NSG2: variants seen among roughly 807,000 people sequenced by gnomAD.
NSG2 encodes neuronal vesicle trafficking associated 2.
NSG2 carries 4 observed loss-of-function variants against 16.9 expected under a neutral mutation model. The observed-to-expected ratio is 0.24, with a 90% CI of 0.12 to 0.54. The LOEUF is 0.54. Among genes scored for constraint, NSG2 ranks in the 20% least tolerant of loss-of-function variants. The pLI is 0.95. For missense variants in NSG2, 179 were observed against 221.1 expected, an observed-to-expected ratio of 0.81 and a Z score of 1.21; for synonymous variants, 98 against 88.7, an observed-to-expected ratio of 1.11 and a Z score of -0.59.
At chr5:174,059,328 A>G (rs369447160) in intron 2 of NSG2, among the ~76,000 whole-genome samples, 1 of 152,198 alleles carries the variant, frequency 6.6e-6, no homozygotes, top group Non-Finnish European at 1.5e-5. Flanking sequence ...CAATTTATCC[A>G]TTCTCCTATT....
intron 2 of NSG2, among the ~76,000 whole-genome samples, chr5:174,063,769 C>T (rs940857652): frequency 6.6e-6 from 1 of 151,964 alleles, no homozygotes; most frequent in African/African-American, 2.4e-5. Context: ...TGGAGGCAAC[C>T]TAAACGTGTA....
rs1478465882 is a variant in NSG2 at position 174,095,151 on chromosome 5, T to C, written c.214-9077T>C. On this transcript the variant is annotated intron_variant, in intron 3 of 4. Transcript: ENST00000303177. ...CAGTTCATACGGCAGTCTTCCTGAGTGGTTGGAGCTTTTGAAGTGCATGCT... is the reference window on the plus strand; with the variant it reads ...CAGTTCATACGGCAGTCTTCCTGAGCGGTTGGAGCTTTTGAAGTGCATGCT... 2.6e-5 allele frequency among the ~76,000 whole-genome samples: 4 copies of C among 151,936 alleles called. No homozygotes were observed. In the East Asian group the frequency reaches 5.8e-4, roughly 22 times the overall value.
chr5:174,107,289 C>T lies in NSG2; in HGVS notation c.325-25C>T. 1 of 1,529,726 alleles carries T rather than the reference C, an allele frequency of 6.5e-7. No individual in the cohort carries two copies. The highest frequency in any genetic ancestry group is 8.8e-7 in the Non-Finnish European group (1 of 1,133,482). 94.8% of individuals were successfully genotyped at this position (1,529,726 alleles called of 1,614,324 possible). On this transcript the variant is annotated intron_variant, in intron 4 of 4. Transcript: ENST00000303177. This position sits in a 1 kb window ranked among gnomAD's most constrained non-coding sequence, Gnocchi z 4.5. Reference sequence around the variant, plus strand: ...TTGGGAGCAGTTTGCTGAATGACCCCTGACTCTGTCTCTTTCTTCCCCAGC... The same window carrying T: ...TTGGGAGCAGTTTGCTGAATGACCCTTGACTCTGTCTCTTTCTTCCCCAGC...
intron 2 of NSG2, among the ~76,000 whole-genome samples, chr5:174,053,744 T>C (rs1759927111): frequency 6.6e-6 from 1 of 152,116 alleles, no homozygotes. Context: ...AAAAACACAA[T>C]CTTAAACAAA....
intron 3 of NSG2, among the ~76,000 whole-genome samples, chr5:174,069,524 C>G (rs961176821): frequency 6.6e-6 from 1 of 152,290 alleles, no homozygotes; most frequent in East Asian, 1.9e-4. Flanking sequence ...TGGGAAAAAT[C>G]TCTCCACTCC....
chr5:174,077,986 T>C (rs1021325855), intron 3 of NSG2, among the ~76,000 whole-genome samples: 1 of 152,220 alleles, frequency 6.6e-6, no homozygotes, highest in African/African-American at 2.4e-5. Flanking sequence ...ATATCTGTTG[T>C]CTACATCTGT....
intron 2 of NSG2, 109 bp downstream of exon 2, chr5:174,046,993 A>G: frequency 4.7e-6 from 5 of 1,062,730 alleles, no homozygotes; most frequent in Non-Finnish European, 6.9e-6. Context: ...TATCTGCCAA[A>G]TGTGCTCCCT....
At chr5:174,077,971 A>G (rs1760376282) in intron 3 of NSG2, among the ~76,000 whole-genome samples, 1 of 152,218 alleles carries the variant, frequency 6.6e-6, no homozygotes, top group African/African-American at 2.4e-5. Flanking sequence ...TAGTTCTCAC[A>G]AAAAATATCT....
chr5:174,079,250 T>C (rs1452866137), intron 3 of NSG2, among the ~76,000 whole-genome samples: 7 of 145,418 alleles, frequency 4.8e-5, no homozygotes, highest in Admixed American at 4.0e-4. Flanking sequence ...TCTCTCTTTC[T>C]CTCTCTCTCT....
At chr5:174,092,779 A>G (rs1400684526) in intron 3 of NSG2, among the ~76,000 whole-genome samples, 1 of 152,048 alleles carries the variant, frequency 6.6e-6, no homozygotes, top group Non-Finnish European at 1.5e-5. Flanking sequence ...GCTTGTCTTG[A>G]TTCTGAGGTG....
chr5:174,096,081 C>G (rs1388685923), intron 3 of NSG2, among the ~76,000 whole-genome samples: 1 of 152,200 alleles, frequency 6.6e-6, no homozygotes, highest in East Asian at 1.9e-4. Flanking sequence ...AATGAGGATA[C>G]AATACCACCT....
chr5:174,052,924 C>T (rs1759915508), intron 2 of NSG2, among the ~76,000 whole-genome samples: 2 of 152,270 alleles, frequency 1.3e-5, no homozygotes, highest in South Asian at 4.2e-4. Context: ...TGGGCAAACG[C>T]TTCTTTTCTT....
In NSG2 at chr5:174,104,265, C is replaced by T. The variant is rs778347157; in HGVS notation, c.251C>T (p.Ala84Val). The T allele has an allele frequency of 1.2e-5, 20 of 1,614,032 alleles. No homozygotes were observed. Among genetic ancestry groups the T allele is most frequent in the Admixed American group, 8.3e-5 (5 of 59,996 alleles). ...ILVSLALAFL[A>V]CIVFLVVYKA... ...GTCAGCCTGGCCCTAGCTTTCCTTG[C>T]GTGCATCGTGTTCCTGGTGGTTTAC... The change falls in exon 4 of 5, where the codon GCG (alanine) becomes GTG (valine). Residue 84 changes from alanine to valine, a missense_variant. Transcript: ENST00000303177.
Position 174,107,534 on chromosome 5 carries a change from G to A in NSG2, c.*29G>A, listed in dbSNP as rs768997497. 1.3e-5 allele frequency: 20 copies of A among 1,587,426 alleles called. No individual in the cohort carries two copies. The highest frequency in any genetic ancestry group is 1.7e-5 in the Admixed American group (1 of 57,228). ...CCTGCCCCAGCCAGAATGGGGGGCG[G>A]GGTGGAGAGGAGGACCCCCATTGGC... is the stretch of plus-strand genomic sequence containing the variant. On this transcript the variant is annotated 3_prime_UTR_variant, in exon 5 of 5. Transcript: ENST00000303177. This position sits in a 1 kb window ranked among gnomAD's most constrained non-coding sequence, Gnocchi z 4.5.
chr5:174,069,859 TG>T (rs1223362214), intron 3 of NSG2, among the ~76,000 whole-genome samples: 1 of 149,934 alleles, frequency 6.7e-6, no homozygotes, highest in Non-Finnish European at 1.5e-5. Flanking sequence ...GTTTGCTTGT[TG>T]GTAAAGGTAG....
intron 2 of NSG2, 123 bp from the exon 3 acceptor site, chr5:174,064,109 G>A (rs1464238563): frequency 1.6e-6 from 1 of 625,380 alleles, no homozygotes; most frequent in Non-Finnish European, 2.7e-6. Context: ...ACGTGTGTTT[G>A]AAGGGGGGTT....
At chr5:174,064,117 GTTCT>G (rs1478502411) in intron 2 of NSG2, 111 bp from the exon 3 acceptor site, 2 of 671,488 alleles carry the variant, frequency 3.0e-6, no homozygotes, top group Non-Finnish European at 5.0e-6. Context: ...TTGAAGGGGG[GTTCT>G]TTATTTTTTT....
intron 3 of NSG2, among the ~76,000 whole-genome samples, chr5:174,065,057 G>A (rs1460007630): frequency 1.3e-5 from 2 of 151,894 alleles, no homozygotes; most frequent in Non-Finnish European, 2.9e-5. Context: ...GGCCGGGCAC[G>A]GCGGCTCACG....
At chr5:174,076,798 G>A (rs1034540353) in intron 3 of NSG2, among the ~76,000 whole-genome samples, 6 of 152,120 alleles carry the variant, frequency 3.9e-5, no homozygotes, top group Admixed American at 2.6e-4. Flanking sequence ...GGTCTCTAGT[G>A]GGTAGAGGCC....
Sources: allele counts gnomAD v4.1 joint callset (sites outside exome capture counted in the v4.1 genomes callset), GRCh38; gene constraint gnomAD v4.1.1; non-coding constraint Gnocchi (gnomAD v3.1); transcripts MANE v1.5; gene names NCBI Gene and HGNC (gene_info 2026-07-23, HGNC 2026-07-21).